DMD: variants seen among roughly 807,000 people sequenced by gnomAD.
DMD encodes the protein mutant dystrophin.
In DMD, 63 loss-of-function variants were observed where a neutral mutation model predicts 330.1. The observed-to-expected ratio is 0.19, with a 90% CI of 0.16 to 0.24. The LOEUF (loss-of-function observed/expected upper bound fraction) is 0.24. DMD is among the 10% of genes least tolerant of loss of function. The pLI, the probability that DMD is intolerant of heterozygous loss-of-function variation, is 1.00. For missense variants in DMD, 3,344 were observed against 2,684.1 expected (o/e 1.25, Z -5.43); for synonymous variants, 1,223 against 959.8 (o/e 1.27, Z -5.07).
At chrX:32,630,060 T>C (rs1190298437) in intron 11 of DMD, among the ~76,000 whole-genome samples, 3 of 111,915 alleles carry the variant, frequency 2.7e-5, no homozygotes, top group African/African-American at 9.7e-5. Context: ...TCATTGCTCA[T>C]TAACATCCTT....
At chrX:32,872,709 G>C (rs1374678445) in intron 2 of DMD, among the ~76,000 whole-genome samples, 3 of 112,108 alleles carry the variant, frequency 2.7e-5, no homozygotes, top group African/African-American at 9.7e-5. Flanking sequence ...ATGCACAAAG[G>C]GAAGTAGGGG....
intron 29 of DMD, among the ~76,000 whole-genome samples, chrX:32,419,873 AAGCATTG>A (rs11279230): frequency 0.25 from 27,248 of 110,651 alleles, 3,745 homozygotes; most frequent in African/African-American, 0.53. Context: ...CTTTCAAGTA[AAGCATTG>A]AGCATTGATA....
intron 60 of DMD, among the ~76,000 whole-genome samples, chrX:31,435,270 T>C (rs1015855810): frequency 1.8e-5 from 2 of 112,128 alleles, no homozygotes; most frequent in Non-Finnish European, 3.8e-5. Flanking sequence ...TCAGTAAGCG[T>C]AATGCTCACT....
intron 61 of DMD, among the ~76,000 whole-genome samples, chrX:31,341,872 C>T (rs1028515871): frequency 1.1e-4 from 9 of 81,753 alleles, no homozygotes; most frequent in African/African-American, 4.4e-4. Context: ...ATCTGGCGTG[C>T]GCGCGTGCGT....
intron 1 of DMD, among the ~76,000 whole-genome samples, chrX:33,056,652 G>A (rs4829275): frequency 0.27 from 30,115 of 109,832 alleles, 3,247 homozygotes; most frequent in East Asian, 0.69. Context: ...GTGAGCCACC[G>A]CGCCCCGGCC....
intron 17 of DMD, among the ~76,000 whole-genome samples, chrX:32,539,500 A>G (rs1385102362): frequency 1.0e-5 from 1 of 96,471 alleles, no homozygotes; most frequent in Non-Finnish European, 2.0e-5. Flanking sequence ...TTTAGGATCA[A>G]TTTATCATAT....
chrX:32,823,492 G>A (rs1328070775), intron 4 of DMD, 105 bp from the exon 5 acceptor site: 3 of 584,986 alleles, frequency 5.1e-6, no homozygotes, highest in Non-Finnish European at 8.7e-6. Flanking sequence ...GCTATTTTCA[G>A]AGACTTAGCA....
intron 19 of DMD, among the ~76,000 whole-genome samples, chrX:32,494,243 A>C (rs779923808): frequency 1.8e-5 from 2 of 111,675 alleles, no homozygotes; most frequent in South Asian, 7.6e-4. Context: ...CTGTAAAAGA[A>C]ATTTAAATGG....
chrX:32,702,051 A>T (rs2064185223), intron 7 of DMD, among the ~76,000 whole-genome samples: 1 of 112,147 alleles, frequency 8.9e-6, no homozygotes, highest in Non-Finnish European at 1.9e-5. Context: ...CTTCTAAAAT[A>T]TTTTGAATTT....
chrX:33,230,153 T>C (rs185084656), intron 1 of DMD, among the ~76,000 whole-genome samples: 1 of 112,471 alleles, frequency 8.9e-6, no homozygotes, highest in Non-Finnish European at 1.9e-5. Context: ...GAAATAATTT[T>C]AAGTAATAAG....
At chrX:33,111,376 C>T (rs2143844) in intron 1 of DMD, among the ~76,000 whole-genome samples, 5 of 110,534 alleles carry the variant, frequency 4.5e-5, no homozygotes, top group African/African-American at 6.6e-5. Context: ...TACTAAGAAC[C>T]GTGCCCAATA....
chrX:31,936,264 A>G (rs1326419045), intron 45 of DMD, among the ~76,000 whole-genome samples: 1 of 111,543 alleles, frequency 9.0e-6, no homozygotes. Flanking sequence ...TGAAAAGTTA[A>G]CAATGGGAAT....
intron 8 of DMD, among the ~76,000 whole-genome samples, chrX:32,698,435 C>G (rs1480877327): frequency 9.0e-6 from 1 of 111,560 alleles, no homozygotes; most frequent in Non-Finnish European, 1.9e-5. Context: ...AGAGTTTGGC[C>G]TAAGAGCTCT....
At chrX:31,402,252 G>A (rs968272374) in intron 60 of DMD, among the ~76,000 whole-genome samples, 2 of 112,012 alleles carry the variant, frequency 1.8e-5, no homozygotes, top group Non-Finnish European at 3.8e-5. Flanking sequence ...AAACACTGTA[G>A]CTTCATAATC....
rs1491509579 is a variant in DMD at position 32,327,193 on chromosome X, C to CA, written c.5922+14906dup. Among the ~76,000 whole-genome samples, 97 of 36,316 alleles carry CA rather than the reference C, an allele frequency of 2.7e-3. 1 individual carries two copies. The highest frequency in any genetic ancestry group is 0.014 in the African/African-American group (89 of 6,246). The allele number at this position is 36,316 out of a possible 115,157, so 31.5% of individuals were successfully genotyped here. ...ATTTTGACTTCAAAGCTACTAGGGG[C>CA]ACAAAAAAAAAAAGAGATAATTAAG... On this transcript the variant is annotated intron_variant, in intron 41 of 78. Transcript: ENST00000357033.
At chrX:32,424,350 A>T (rs2098202799) in intron 29 of DMD, among the ~76,000 whole-genome samples, 1 of 111,516 alleles carries the variant, frequency 9.0e-6, no homozygotes, top group Non-Finnish European at 1.9e-5. Context: ...AGCTATATCC[A>T]TTATTAACAC....
chrX:31,188,355 A>C (rs1168944625), intron 67 of DMD, among the ~76,000 whole-genome samples: 1 of 112,415 alleles, frequency 8.9e-6, no homozygotes, highest in East Asian at 2.8e-4. Context: ...TCATTCCAGA[A>C]AAAAATATAT....
At chrX:32,586,035 T>C (rs5972607) in intron 13 of DMD, among the ~76,000 whole-genome samples, 16,889 of 111,021 alleles carry the variant, frequency 0.15, 3,172 homozygotes, top group African/African-American at 0.52. Context: ...CAAATTTCAT[T>C]AGAATATTCA....
chrX:32,847,104 T>G (rs1383636188), intron 3 of DMD, among the ~76,000 whole-genome samples: 3 of 112,277 alleles, frequency 2.7e-5, no homozygotes, highest in Non-Finnish European at 5.6e-5. Context: ...TTATAGGACT[T>G]TAAAGTTTTG....
Sources: gnomAD v4.1 joint callset for allele counts (sites outside exome capture counted in the v4.1 genomes callset) on GRCh38, gnomAD v4.1.1 for gene constraint, MANE v1.5 for transcripts, NCBI Gene and HGNC (gene_info 2026-07-23, HGNC 2026-07-21) for gene names.